ELAVL1: variants seen among roughly 807,000 people sequenced by gnomAD.
ELAVL1 encodes ELAV like RNA binding protein 1.
Under a neutral mutation model 28.4 loss-of-function variants are expected in ELAVL1, and 1 was observed. The observed-to-expected ratio is 0.04, with a 90% CI of 0.01 to 0.17. The LOEUF is 0.17. Among genes scored for constraint, ELAVL1 ranks in the 10% least tolerant of loss-of-function variants. The pLI is 1.00. For synonymous variants in ELAVL1, 174 were observed against 183.5 expected (o/e 0.95, Z 0.42); for missense variants, 157 against 447.2 (o/e 0.35, Z 5.85).
intron 1 of ELAVL1, 98 bp from the exon 2 acceptor site, chr19:7,991,929 TTTC>T (rs1018143315): frequency 1.1e-4 from 107 of 1,012,436 alleles, no homozygotes; most frequent in Admixed American, 3.9e-4. Flanking sequence ...ATTTTCTTTC[TTTC>T]TTTTTTTTTT....
At chr19:7,972,248 T>A (rs1382303190) in intron 4 of ELAVL1, among the ~76,000 whole-genome samples, 1 of 152,168 alleles carries the variant, frequency 6.6e-6, no homozygotes, top group Admixed American at 6.5e-5. Context: ...GAGCTCCCTG[T>A]CCCCCAGGCG....
chr19:7,994,198 A>G (rs1985823124), intron 1 of ELAVL1, among the ~76,000 whole-genome samples: 1 of 152,040 alleles, frequency 6.6e-6, no homozygotes, highest in Non-Finnish European at 1.5e-5. Flanking sequence ...TCTATTATTT[A>G]GACCTGTGGT....
intron 2 of ELAVL1, among the ~76,000 whole-genome samples, chr19:7,985,764 G>A (rs1985584834): frequency 6.6e-6 from 1 of 152,242 alleles, no homozygotes; most frequent in African/African-American, 2.4e-5. Flanking sequence ...AATGCAGGAT[G>A]CAGAACCCGG....
rs1161609814 is a variant in ELAVL1, at chr19:7,960,662, T to C, written c.*2821A>G. ...AAAGGGAATTCAATCAAAGCCTCTT[T>C]GGTATTTCCCAAACCAGATTTTTGA... On this transcript the variant is annotated 3_prime_UTR_variant, in exon 6 of 6. Transcript: ENST00000407627. 6.6e-6 allele frequency: 1 copy of C among 152,662 alleles called. No homozygotes were observed. 9.5% of individuals were successfully genotyped at this position (152,662 alleles called of 1,614,324 possible).
At chr19:7,987,113 T>C (rs991182672) in intron 2 of ELAVL1, among the ~76,000 whole-genome samples, 1 of 2,998 alleles carries the variant, frequency 3.3e-4, no homozygotes, top group African/African-American at 1.7e-3. Context: ...GACCGGGGGG[T>C]GCCGGGGGGG....
rs553361583 is a variant in ELAVL1, at chr19:8,001,938, C to T, written c.-17+3557G>A. On this transcript the variant is annotated intron_variant, in intron 1 of 5. Transcript: ENST00000407627. Reference sequence around the variant, plus strand: ...TGACCCTCAAGCGGTTCAGCCATTACGGGGCCACCTCAGTACTGCAACAGC... The same window carrying T: ...TGACCCTCAAGCGGTTCAGCCATTATGGGGCCACCTCAGTACTGCAACAGC... The T allele has an allele frequency of 1.8e-4, 140 of 780,088 alleles. No homozygotes were observed. In the African/African-American group the frequency reaches 1.9e-3, roughly 11 times the overall value. The allele number at this position is 780,088 out of a possible 1,614,324, so 48.3% of individuals were successfully genotyped here.
chr19:8,001,564 C>T (rs551925687), intron 1 of ELAVL1, among the ~76,000 whole-genome samples: 3 of 152,226 alleles, frequency 2.0e-5, no homozygotes, highest in Non-Finnish European at 2.9e-5. Context: ...GTCTGGCCAT[C>T]GAGCTGTTCA....
At chr19:7,976,828 C>T (rs1374714700) in intron 3 of ELAVL1, among the ~76,000 whole-genome samples, 2 of 151,686 alleles carry the variant, frequency 1.3e-5, no homozygotes, top group African/African-American at 2.4e-5. Flanking sequence ...TGATCATGAC[C>T]TGACACGCTA....
chr19:7,960,890 C>G lies in ELAVL1; in HGVS notation c.*2593G>C, dbSNP rs776171497. On this transcript the variant is annotated 3_prime_UTR_variant, in exon 6 of 6. Coordinates refer to ENST00000407627, the MANE Select transcript of ELAVL1 (RefSeq NM_001419.3). ...TAAGATGTAATGAACTTTGAGGACA[C>G]AGGGCCAGCAACTAGAACCTTGATG... 4.6e-5 allele frequency: 7 copies of G among 152,180 alleles called. No homozygotes were observed. Among genetic ancestry groups the G allele is most frequent in the Non-Finnish European group, 8.8e-5 (6 of 68,024 alleles). 9.4% of individuals were successfully genotyped at this position (152,180 alleles called of 1,614,324 possible).
chr19:7,968,385 G>A (rs1833784525), intron 4 of ELAVL1, among the ~76,000 whole-genome samples: 1 of 152,224 alleles, frequency 6.6e-6, no homozygotes, highest in South Asian at 2.1e-4. Context: ...CCAGCTCCAT[G>A]CTGCTGCTGT....
chr19:7,963,153 C>T lies in ELAVL1; in HGVS notation c.*330G>A, dbSNP rs1182068402. ...GTCTGTGGAGACATTGAATGAAACGCGTGTTAGACAGTCTTAGAGGTTAAA... is the reference window on the plus strand; with the variant it reads ...GTCTGTGGAGACATTGAATGAAACGTGTGTTAGACAGTCTTAGAGGTTAAA... On this transcript the variant is annotated 3_prime_UTR_variant, in exon 6 of 6. Transcript: ENST00000407627. This position sits in a 1 kb window ranked among gnomAD's most constrained non-coding sequence, Gnocchi z 4.5. 2.1e-5 allele frequency: 5 copies of T among 232,938 alleles called. No homozygotes were observed. Among genetic ancestry groups the T allele is most frequent in the East Asian group, 1.8e-4 (2 of 10,890 alleles). The allele number at this position is 232,938 out of a possible 1,614,324, so 14.4% of individuals were successfully genotyped here. A position where few individuals can be genotyped will look rare whatever the true frequency, so the allele number is the denominator to read the frequency against.
At chr19:7,980,819 T>C (rs1001894313) in intron 3 of ELAVL1, among the ~76,000 whole-genome samples, 15 of 151,850 alleles carry the variant, frequency 9.9e-5, no homozygotes, top group South Asian at 2.1e-4. Context: ...TGTCCAGGGA[T>C]GGGAACACAG....
chr19:7,992,334 C>A (rs377762435), intron 1 of ELAVL1, among the ~76,000 whole-genome samples: 22 of 152,244 alleles, frequency 1.4e-4, no homozygotes, highest in African/African-American at 5.1e-4. Context: ...CTCATAATTG[C>A]CAAAACCTGG....
At position 7,979,609 on chromosome 19, in the gene ELAVL1, G is replaced by A. The variant is rs1985396157; in HGVS notation, c.276+1474C>T. On this transcript the variant is annotated intron_variant, in intron 3 of 5. Transcript: ENST00000407627. This position sits in a 1 kb window ranked among gnomAD's most constrained non-coding sequence, Gnocchi z 5.4. ...GGATAAGCCACCTGGGGCTGGAGGCGAGGAAGGGCTGCCCCTGCTCAGGTG... is the reference window on the plus strand; with the variant it reads ...GGATAAGCCACCTGGGGCTGGAGGCAAGGAAGGGCTGCCCCTGCTCAGGTG... 6.6e-6 allele frequency among the ~76,000 whole-genome samples: 1 copy of A among 152,228 alleles called. No individual in the cohort carries two copies. The highest frequency in any genetic ancestry group is 2.4e-5 in the African/African-American group (1 of 41,446).
At chr19:7,965,423 T>C (rs910489386) in intron 5 of ELAVL1, among the ~76,000 whole-genome samples, 4 of 152,190 alleles carry the variant, frequency 2.6e-5, no homozygotes, top group South Asian at 2.1e-4. Context: ...CTGATTTCTC[T>C]GGTCTTGACA....
chr19:7,989,246 G>C (rs1985691533), intron 2 of ELAVL1, among the ~76,000 whole-genome samples: 2 of 152,162 alleles, frequency 1.3e-5, no homozygotes, highest in African/African-American at 2.4e-5. Context: ...GCAAAGCCAG[G>C]TTGCAGCATG....
intron 3 of ELAVL1, 75 bp from the exon 4 acceptor site, chr19:7,973,953 G>A (rs1304911379): frequency 6.4e-7 from 1 of 1,556,306 alleles, no homozygotes; most frequent in Non-Finnish European, 8.8e-7. Flanking sequence ...TGAATGCTGG[G>A]TTAGGAAAAG....
intron 4 of ELAVL1, among the ~76,000 whole-genome samples, chr19:7,970,720 A>AT (rs937193749): frequency 6.6e-6 from 1 of 151,234 alleles, no homozygotes; most frequent in East Asian, 2.0e-4. Flanking sequence ...TCAGGGTGGG[A>AT]TTTTTTTTCT....
intron 1 of ELAVL1, among the ~76,000 whole-genome samples, chr19:8,003,355 CAAAAAAAAAAAAAAAAAAAGAAAAA>C (rs1407527033): frequency 8.2e-5 from 5 of 61,092 alleles, no homozygotes; most frequent in African/African-American, 2.9e-4. Context: ...GAAACTGTCT[CAAAAAAAAAAAAAAAAAAAGAAAAA>C]GAAAAAAAAA....
Sources: allele counts gnomAD v4.1 joint callset (sites outside exome capture counted in the v4.1 genomes callset), GRCh38; gene constraint gnomAD v4.1.1; non-coding constraint Gnocchi (gnomAD v3.1); transcripts MANE v1.5; gene names NCBI Gene and HGNC (gene_info 2026-07-23, HGNC 2026-07-21).